The following SYT1 variants were observed in gnomAD, a reference collection of about 807,000 sequenced individuals.
SYT1 encodes synaptotagmin-1.
A neutral mutation model predicts 44.8 loss-of-function variants in SYT1; 8 were observed. The observed-to-expected ratio is 0.18, with a 90% CI of 0.10 to 0.32. The LOEUF is 0.32. Among genes scored for constraint, SYT1 ranks in the 10% least tolerant of loss-of-function variants. The pLI is 1.00. For missense variants in SYT1, 286 were observed against 509.3 expected (o/e 0.56, Z 4.22); for synonymous variants, 154 against 188.8 (o/e 0.82, Z 1.51).
chr12:79,167,286 A>G (rs940252929), intron 3 of SYT1, among the ~76,000 whole-genome samples: 10 of 152,066 alleles, frequency 6.6e-5, no homozygotes, highest in African/African-American at 2.4e-4. Flanking sequence ...AAATAAACCC[A>G]AAACTAAAAT....
chr12:78,959,124 A>G (rs920480772), intron 1 of SYT1, among the ~76,000 whole-genome samples: 2 of 152,138 alleles, frequency 1.3e-5, no homozygotes, highest in Non-Finnish European at 2.9e-5. Context: ...AAATTTGAGA[A>G]GCTACCTAAG....
intron 3 of SYT1, among the ~76,000 whole-genome samples, chr12:79,208,120 ACTT>A (rs1001238945): frequency 1.6e-4 from 24 of 152,032 alleles, no homozygotes; most frequent in East Asian, 1.9e-4. Context: ...CCTATTTGCT[ACTT>A]CTTCTTCATG....
chr12:79,138,479 T>A (rs1592783437), intron 3 of SYT1, among the ~76,000 whole-genome samples: 1 of 152,236 alleles, frequency 6.6e-6, no homozygotes, highest in East Asian at 1.9e-4. Flanking sequence ...AAAAGTACTA[T>A]CTTAATTCAT....
intron 3 of SYT1, among the ~76,000 whole-genome samples, chr12:79,179,544 G>GATATATCTATAT (rs879668657): frequency 0.014 from 342 of 24,082 alleles, 2 homozygotes; most frequent in Middle Eastern, 0.032. Flanking sequence ...TATAGATATA[G>GATATATCTATAT]AGATATAGAT....
At chr12:79,173,008 G>GAAA (rs1871635200) in intron 3 of SYT1, among the ~76,000 whole-genome samples, 10 of 84,074 alleles carry the variant, frequency 1.2e-4, no homozygotes, top group South Asian at 4.2e-4. Context: ...AAAAAAAAAG[G>GAAA]GAGTTTGGCC....
At position 78,943,974 on chromosome 12, in the gene SYT1, T is replaced by C. The variant is rs150131779; in HGVS notation, c.-216-33825T>C. Reference sequence around the variant, plus strand: ...TGAATTAGTTGCATATTATCACTAATTTTGCATAATTATATGTGTTTCTTT... The same window carrying C: ...TGAATTAGTTGCATATTATCACTAACTTTGCATAATTATATGTGTTTCTTT... On this transcript the variant is annotated intron_variant, in intron 1 of 10. Coordinates refer to ENST00000261205, the MANE Select transcript of SYT1 (RefSeq NM_005639.3). Among the ~76,000 whole-genome samples, 854 of 152,300 alleles carry C rather than the reference T, an allele frequency of 5.6e-3. 8 individuals carry two copies. Among genetic ancestry groups the C allele is most frequent in the African/African-American group, 0.019 (808 of 41,580 alleles).
At chr12:79,068,839 T>C (rs991711217) in intron 3 of SYT1, among the ~76,000 whole-genome samples, 1 of 152,086 alleles carries the variant, frequency 6.6e-6, no homozygotes, top group African/African-American at 2.4e-5. Flanking sequence ...CATCATGAGA[T>C]CCATGTGGGA....
intron 3 of SYT1, among the ~76,000 whole-genome samples, chr12:79,066,746 G>A (rs113751731): frequency 5.8e-4 from 89 of 152,170 alleles, no homozygotes; most frequent in African/African-American, 1.9e-3. Flanking sequence ...CAGAAATGGG[G>A]AAAGGTGAGA....
chr12:79,249,351 G>A (rs1877055321), intron 4 of SYT1, among the ~76,000 whole-genome samples: 1 of 151,510 alleles, frequency 6.6e-6, no homozygotes, highest in Non-Finnish European at 1.5e-5. Flanking sequence ...TGATCCACCC[G>A]CCTCGGCCTC....
intron 9 of SYT1, among the ~76,000 whole-genome samples, chr12:79,412,667 A>C (rs1408432633): frequency 1.3e-5 from 2 of 152,160 alleles, no homozygotes; most frequent in Non-Finnish European, 2.9e-5. Context: ...ACCACACTGC[A>C]ATTAACATCT....
intron 8 of SYT1, among the ~76,000 whole-genome samples, chr12:79,305,509 C>T (rs1880348717): frequency 6.6e-6 from 1 of 151,844 alleles, no homozygotes; most frequent in Non-Finnish European, 1.5e-5. Context: ...TAATAGCTAT[C>T]ATTTACTGAG....
chr12:79,312,774 T>A (rs1880874125), intron 8 of SYT1, among the ~76,000 whole-genome samples: 1 of 150,978 alleles, frequency 6.6e-6, no homozygotes, highest in Non-Finnish European at 1.5e-5. Flanking sequence ...GCTGCATTTT[T>A]TTTTTTTTTT....
In SYT1 at chr12:78,907,184, G is replaced by GA. The variant is rs1335273073; in HGVS notation, c.-217+42084dup. Among the ~76,000 whole-genome samples, 268 of 149,148 alleles carry GA rather than the reference G, an allele frequency of 1.8e-3. 3 individuals are homozygous for GA. The highest frequency in any genetic ancestry group is 5.4e-3 in the African/African-American group (221 of 40,766). On this transcript the variant is annotated intron_variant, in intron 1 of 10. Coordinates refer to ENST00000261205, the MANE Select transcript of SYT1 (RefSeq NM_005639.3). The stretch of plus-strand genomic sequence containing the variant: ...TGTCATGTTTCCCATTTTAAAAGAA[G>GA]AAAAAAAAAGATATGCAAGTTCATA...
chr12:79,054,110 G>A (rs970314394), intron 3 of SYT1, among the ~76,000 whole-genome samples: 1 of 151,968 alleles, frequency 6.6e-6, no homozygotes, highest in African/African-American at 2.4e-5. Context: ...ATGAAAATGT[G>A]GATTGAAAGG....
chr12:79,082,119 A>G (rs1877075552), intron 3 of SYT1, among the ~76,000 whole-genome samples: 1 of 152,208 alleles, frequency 6.6e-6, no homozygotes, highest in Admixed American at 6.5e-5. Context: ...TGTGAATTCA[A>G]CACAGATTTT....
chr12:78,917,566 A>G (rs917549921), intron 1 of SYT1, among the ~76,000 whole-genome samples: 7 of 151,890 alleles, frequency 4.6e-5, no homozygotes, highest in African/African-American at 1.7e-4. Context: ...CATATGTAAC[A>G]AACCTGCACG....
intron 10 of SYT1, among the ~76,000 whole-genome samples, chr12:79,445,477 G>A (rs1295920288): frequency 6.6e-6 from 1 of 151,776 alleles, no homozygotes; most frequent in Non-Finnish European, 1.5e-5. Flanking sequence ...CCAGTCTTTA[G>A]TATCCTTTGT....
intron 3 of SYT1, among the ~76,000 whole-genome samples, chr12:79,124,799 A>G (rs946070140): frequency 6.6e-6 from 1 of 151,586 alleles, no homozygotes; most frequent in Admixed American, 6.6e-5. Flanking sequence ...TTGTATCTCT[A>G]CTCTTTTTTT....
At chr12:79,349,346 G>A (rs1038521862) in intron 8 of SYT1, among the ~76,000 whole-genome samples, 7 of 152,140 alleles carry the variant, frequency 4.6e-5, no homozygotes, top group Non-Finnish European at 8.8e-5. Context: ...ATGTTGGAAA[G>A]AATAGTTGAG....
Sources: gnomAD v4.1 joint callset for allele counts (sites outside exome capture counted in the v4.1 genomes callset) on GRCh38, gnomAD v4.1.1 for gene constraint, MANE v1.5 for transcripts, NCBI Gene and HGNC (gene_info 2026-07-23, HGNC 2026-07-21) for gene names.